Variants in TMEM65 observed in about 807,000 individuals in gnomAD.
TMEM65 encodes transmembrane protein 65.
In TMEM65, 22 loss-of-function variants were observed where a neutral mutation model predicts 25.4. That is an observed-to-expected ratio of 0.86 (90% CI 0.62 to 1.23). The LOEUF is 1.23. Ranked by LOEUF, TMEM65 falls within the 50% of genes most tolerant of loss-of-function variation. The pLI is 0.00. For missense variants in TMEM65, 262 were observed against 308.2 expected (o/e 0.85, Z 1.12); for synonymous variants, 132 against 126.2 (o/e 1.05, Z -0.31).
intron 1 of TMEM65, among the ~76,000 whole-genome samples, chr8:124,368,489 G>A (rs970304533): frequency 2.0e-5 from 3 of 152,200 alleles, no homozygotes; most frequent in Admixed American, 2.0e-4. Flanking sequence ...CAAAAGAGAT[G>A]GACTGTCACT....
At chr8:124,364,231 T>C (rs1586475495) in intron 1 of TMEM65, among the ~76,000 whole-genome samples, 2 of 152,104 alleles carry the variant, frequency 1.3e-5, no homozygotes, top group South Asian at 2.1e-4. Flanking sequence ...AGAGTGACAA[T>C]TGGCAGAAGT....
chr8:124,330,648 G>T (rs1395984819), intron 2 of TMEM65, 100 bp downstream of exon 2: 5 of 1,187,510 alleles, frequency 4.2e-6, no homozygotes, highest in Non-Finnish European at 6.0e-6. Context: ...TATCTGGAAA[G>T]ATTTAATTTA....
intron 6 of TMEM65, among the ~76,000 whole-genome samples, chr8:124,318,155 C>T (rs1814260031): frequency 6.6e-6 from 1 of 151,930 alleles, no homozygotes; most frequent in African/African-American, 2.4e-5. Flanking sequence ...GAGGTTAGGT[C>T]CCTCACAGCC....
At chr8:124,317,452 T>C (rs1238212434) in intron 6 of TMEM65, among the ~76,000 whole-genome samples, 1 of 152,214 alleles carries the variant, frequency 6.6e-6, no homozygotes, top group African/African-American at 2.4e-5. Context: ...CCTTGATAGC[T>C]CCCATAAGAC....
chr8:124,330,358 G>A (rs76166215), intron 2 of TMEM65, among the ~76,000 whole-genome samples: 1,684 of 151,816 alleles, frequency 0.011, 27 homozygotes, highest in African/African-American at 0.036. Context: ...ACAGCCAGCC[G>A]GAAACATTTT....
At chr8:124,337,476 C>T (rs1814527177) in intron 1 of TMEM65, among the ~76,000 whole-genome samples, 1 of 151,940 alleles carries the variant, frequency 6.6e-6, no homozygotes, top group African/African-American at 2.4e-5. Flanking sequence ...TACATGTCCT[C>T]TTTCTTAGAC....
At chr8:124,370,791 G>A (rs754182498) in intron 1 of TMEM65, among the ~76,000 whole-genome samples, 11 of 152,114 alleles carry the variant, frequency 7.2e-5, no homozygotes, top group Non-Finnish European at 1.2e-4. Context: ...GGCATGATCC[G>A]AATCAATGTG....
chr8:124,344,497 G>C (rs1324631711), intron 1 of TMEM65, among the ~76,000 whole-genome samples: 1 of 152,160 alleles, frequency 6.6e-6, no homozygotes, highest in African/African-American at 2.4e-5. Flanking sequence ...TGCTAAAACT[G>C]TTTCAGACAG....
chr8:124,372,358 G>A lies in TMEM65; in HGVS notation c.-201C>T, dbSNP rs1586479144. 7.1e-6 allele frequency: 2 copies of A among 282,908 alleles called. No homozygotes were observed. Among genetic ancestry groups the A allele is most frequent in the Admixed American group, 6.2e-5 (1 of 16,220 alleles). 17.5% of individuals were successfully genotyped at this position (282,908 alleles called of 1,614,324 possible). A position where few individuals can be genotyped will look rare whatever the true frequency, so the allele number is the denominator to read the frequency against. ...TCCCCACTTCCTTTCCAAAAGGCCCGCGGCGGCTCCCGCCCCTCCGATGGG... is the reference window on the plus strand; with the variant it reads ...TCCCCACTTCCTTTCCAAAAGGCCCACGGCGGCTCCCGCCCCTCCGATGGG... On this transcript the variant is annotated 5_prime_UTR_variant, in exon 1 of 7. Coordinates refer to ENST00000297632, the MANE Select transcript of TMEM65 (RefSeq NM_194291.3).
chr8:124,370,467 C>T (rs1814997173), intron 1 of TMEM65, among the ~76,000 whole-genome samples: 1 of 152,152 alleles, frequency 6.6e-6, no homozygotes. Context: ...TGAGTGCACA[C>T]ATAGATTACA....
At chr8:124,357,225 T>C (rs1479688397) in intron 1 of TMEM65, among the ~76,000 whole-genome samples, 1 of 152,130 alleles carries the variant, frequency 6.6e-6, no homozygotes, top group East Asian at 1.9e-4. Flanking sequence ...ACTACCTATA[T>C]GGGTAGAAGT....
intron 3 of TMEM65, 40 bp from the exon 4 acceptor site, chr8:124,323,415 GAA>G (rs779319575): frequency 8.5e-7 from 1 of 1,175,726 alleles, no homozygotes; most frequent in South Asian, 1.4e-5. Flanking sequence ...AATTAAAGCT[GAA>G]GTGACTATAA....
At chr8:124,314,631 T>C (rs1266712731) in intron 6 of TMEM65, among the ~76,000 whole-genome samples, 1 of 152,074 alleles carries the variant, frequency 6.6e-6, no homozygotes, top group Non-Finnish European at 1.5e-5. Flanking sequence ...TTCATTTTTA[T>C]TTATTTTATT....
chr8:124,356,992 G>A (rs1328052717), intron 1 of TMEM65, among the ~76,000 whole-genome samples: 1 of 151,752 alleles, frequency 6.6e-6, no homozygotes, highest in Non-Finnish European at 1.5e-5. Context: ...ACAGGTGTGA[G>A]CCACCGTTCC....
At chr8:124,360,594 TG>T (rs1332431181) in intron 1 of TMEM65, among the ~76,000 whole-genome samples, 2 of 152,208 alleles carry the variant, frequency 1.3e-5, no homozygotes, top group African/African-American at 4.8e-5. Context: ...TTGCCTTAGC[TG>T]GGCCTTTACC....
chr8:124,325,294 T>C (rs532367453), intron 3 of TMEM65, among the ~76,000 whole-genome samples: 3 of 152,128 alleles, frequency 2.0e-5, no homozygotes, highest in African/African-American at 7.2e-5. Context: ...ATTTTTTTAA[T>C]TAAAAGATGA....
chr8:124,333,378 T>C (rs962212843), intron 1 of TMEM65, among the ~76,000 whole-genome samples: 1 of 152,074 alleles, frequency 6.6e-6, no homozygotes, highest in African/African-American at 2.4e-5. Context: ...TAATAAACTA[T>C]CTACACTTAC....
At chr8:124,324,764 G>A (rs1330792409) in intron 3 of TMEM65, among the ~76,000 whole-genome samples, 1 of 152,054 alleles carries the variant, frequency 6.6e-6, no homozygotes, top group Non-Finnish European at 1.5e-5. Context: ...TAAAGTCAAA[G>A]ATGGTTTGGG....
rs561436778 is a variant in TMEM65, at chr8:124,324,906, A to T, written c.418-1531T>A. 5.8e-4 allele frequency among the ~76,000 whole-genome samples: 88 copies of T among 152,166 alleles called. 3 individuals carry two copies. In the South Asian group the frequency reaches 0.018, roughly 31 times the overall value. ...AAGTTATACCTGGTTCATTATCCTT[A>T]ATACAATTAATCTACTCTAGAATTC... is the stretch of plus-strand genomic sequence containing the variant. On this transcript the variant is annotated intron_variant, in intron 3 of 6. Coordinates refer to ENST00000297632, the MANE Select transcript of TMEM65 (RefSeq NM_194291.3).
Sources: gnomAD v4.1 joint callset for allele counts (sites outside exome capture counted in the v4.1 genomes callset) on GRCh38, gnomAD v4.1.1 for gene constraint, MANE v1.5 for transcripts, NCBI Gene and HGNC (gene_info 2026-07-23, HGNC 2026-07-21) for gene names.